PITPNC1: variants seen among roughly 807,000 people sequenced by gnomAD.
The protein encoded by PITPNC1 is cytoplasmic phosphatidylinositol transfer protein 1.
In PITPNC1, 18 loss-of-function variants were observed where a neutral mutation model predicts 44.7. That is an observed-to-expected ratio of 0.40 (90% CI 0.28 to 0.60). The LOEUF is 0.60. Ranked by LOEUF, PITPNC1 falls within the 20% of genes least tolerant of loss-of-function variation. PITPNC1 has a pLI of 0.39. For synonymous variants in PITPNC1, 141 were observed against 149.6 expected (o/e 0.94, Z 0.42); for missense variants, 290 against 418.4 (o/e 0.69, Z 2.68).
Position 67,433,812 on chromosome 17 carries a change from G to C in PITPNC1, c.48+55610G>C, listed in dbSNP as rs1670769309. On this transcript the variant is annotated intron_variant, in intron 1 of 8. Transcript: ENST00000581322. Reference sequence around the variant, plus strand: ...GGAGGCTGACGCAGGAGGATCACTGGAACCCAGCAGTCTGAGACTAGCGTG... The same window carrying C: ...GGAGGCTGACGCAGGAGGATCACTGCAACCCAGCAGTCTGAGACTAGCGTG... 3.9e-5 allele frequency among the ~76,000 whole-genome samples: 6 copies of C among 152,204 alleles called. No homozygotes were observed. In the South Asian group the frequency reaches 1.2e-3, roughly 32 times the overall value.
intron 5 of PITPNC1, among the ~76,000 whole-genome samples, chr17:67,608,600 C>T (rs1315460948): frequency 6.6e-6 from 1 of 151,686 alleles, no homozygotes; most frequent in Non-Finnish European, 1.5e-5. Context: ...CAGCAATCCT[C>T]CCACCTCAGC....
Position 67,445,325 on chromosome 17 carries a change from A to G in PITPNC1, c.48+67123A>G, listed in dbSNP as rs1370428142. Among the ~76,000 whole-genome samples the G allele has an allele frequency of 3.3e-5, 5 of 151,910 alleles. No individual in the cohort carries two copies. The East Asian group carries it at 9.6e-4, about 29-fold the overall frequency. ...AACTTTTATTCTGTGTTTTGGGAGG[A>G]CAGAAATGATGGGAAAGGGAGGAAG... is the stretch of plus-strand genomic sequence containing the variant. On this transcript the variant is annotated intron_variant, in intron 1 of 8. Coordinates refer to ENST00000581322, the MANE Select transcript of PITPNC1 (RefSeq NM_012417.4).
At chr17:67,408,293 GGCA>G (rs1320306570) in intron 1 of PITPNC1, among the ~76,000 whole-genome samples, 10 of 152,068 alleles carry the variant, frequency 6.6e-5, no homozygotes, top group Admixed American at 2.6e-4. Context: ...GTTCAGGCCA[GGCA>G]TGGTGACTCG....
At chr17:67,507,734 G>A (rs2040126138) in intron 1 of PITPNC1, among the ~76,000 whole-genome samples, 1 of 151,286 alleles carries the variant, frequency 6.6e-6, no homozygotes. Flanking sequence ...ATTGAAGGCT[G>A]GGAGACCAGG....
At chr17:67,602,280 C>G (rs1381958192) in intron 5 of PITPNC1, among the ~76,000 whole-genome samples, 1 of 152,088 alleles carries the variant, frequency 6.6e-6, no homozygotes, top group Non-Finnish European at 1.5e-5. Flanking sequence ...AATTGGAGAG[C>G]TTGGTGAGGT....
At chr17:67,550,723 A>G (rs932557657) in intron 2 of PITPNC1, among the ~76,000 whole-genome samples, 4 of 152,140 alleles carry the variant, frequency 2.6e-5, no homozygotes, top group African/African-American at 9.7e-5. Context: ...AGCAAATGGT[A>G]GCCTCTGGAA....
intron 1 of PITPNC1, among the ~76,000 whole-genome samples, chr17:67,490,144 G>A (rs975249794): frequency 6.8e-6 from 1 of 147,210 alleles, no homozygotes; most frequent in African/African-American, 2.6e-5. Flanking sequence ...GTGTGTGTGT[G>A]TGTGTGTGTG....
At chr17:67,401,846 GAA>G (rs532449251) in intron 1 of PITPNC1, among the ~76,000 whole-genome samples, 1 of 144,730 alleles carries the variant, frequency 6.9e-6, no homozygotes, top group Non-Finnish European at 1.5e-5. Flanking sequence ...CTACCTCAAA[GAA>G]AAAAAAAAAA....
intron 1 of PITPNC1, among the ~76,000 whole-genome samples, chr17:67,398,721 TG>T (rs1407855385): frequency 3.3e-5 from 5 of 152,138 alleles, no homozygotes; most frequent in Admixed American, 6.6e-5. Flanking sequence ...GGAAGTGCTT[TG>T]GATTTTCTTC....
At chr17:67,585,712 G>A (rs1336269831) in intron 5 of PITPNC1, among the ~76,000 whole-genome samples, 1 of 152,184 alleles carries the variant, frequency 6.6e-6, no homozygotes, top group Non-Finnish European at 1.5e-5. Context: ...GGCTGAGATG[G>A]AAGGATCACT....
At chr17:67,634,094 C>T (rs1183438370) in intron 6 of PITPNC1, among the ~76,000 whole-genome samples, 2 of 152,208 alleles carry the variant, frequency 1.3e-5, no homozygotes, top group African/African-American at 4.8e-5. Flanking sequence ...TTCATTCACA[C>T]AGACATTCGA....
At chr17:67,524,782 A>T (rs2144114897) in intron 1 of PITPNC1, 2 of 8,314 alleles carry the variant, frequency 2.4e-4, no homozygotes, top group African/African-American at 6.0e-4. Context: ...TTTTTTTTTG[A>T]GACGGAGTCT....
chr17:67,507,625 A>G (rs901221887), intron 1 of PITPNC1, among the ~76,000 whole-genome samples: 5 of 140,952 alleles, frequency 3.5e-5, no homozygotes, highest in African/African-American at 7.9e-5. Context: ...TGGAGGTTTC[A>G]GTGCGCTGGG....
intron 1 of PITPNC1, among the ~76,000 whole-genome samples, chr17:67,436,891 T>C (rs2038944047): frequency 1.3e-5 from 2 of 151,138 alleles, no homozygotes; most frequent in South Asian, 2.1e-4. Context: ...AATCTGATTG[T>C]ATTTGAAAAT....
chr17:67,462,301 A>G (rs541573246), intron 1 of PITPNC1, among the ~76,000 whole-genome samples: 1 of 131,100 alleles, frequency 7.6e-6, no homozygotes, highest in Admixed American at 9.7e-5. Flanking sequence ...GTGGGATCTC[A>G]GCTCACTACA....
intron 1 of PITPNC1, among the ~76,000 whole-genome samples, chr17:67,513,237 G>A (rs1032500216): frequency 2.0e-5 from 3 of 151,662 alleles, no homozygotes. Context: ...GGCGGCGGGC[G>A]ACTGTAATCC....
At chr17:67,639,745 T>C (rs1014314723) in intron 6 of PITPNC1, among the ~76,000 whole-genome samples, 5 of 152,190 alleles carry the variant, frequency 3.3e-5, no homozygotes, top group Non-Finnish European at 7.3e-5. Flanking sequence ...GAATTCTCTG[T>C]TAAGGGAGAG....
intron 8 of PITPNC1, among the ~76,000 whole-genome samples, chr17:67,684,020 T>A (rs2042765574): frequency 6.6e-6 from 1 of 151,566 alleles, no homozygotes; most frequent in South Asian, 2.1e-4. Context: ...GGGGATTATG[T>A]TTCTAGAGTG....
intron 1 of PITPNC1, among the ~76,000 whole-genome samples, chr17:67,516,356 G>T (rs567936003): frequency 6.6e-6 from 1 of 152,282 alleles, no homozygotes; most frequent in East Asian, 1.9e-4. Flanking sequence ...GTGACATTGG[G>T]CAAGTGACTT....
Sources: gnomAD v4.1 joint callset for allele counts (sites outside exome capture counted in the v4.1 genomes callset) on GRCh38, gnomAD v4.1.1 for gene constraint, MANE v1.5 for transcripts, NCBI Gene and HGNC (gene_info 2026-07-23, HGNC 2026-07-21) for gene names.